Variants in SLC17A1 observed in about 807,000 individuals in gnomAD.
The protein encoded by SLC17A1 is solute carrier family 17 member 1, also known as sodium-dependent phosphate transport protein 1.
In SLC17A1, 51 loss-of-function variants were observed where a neutral mutation model predicts 53.5. The ratio of observed to expected loss-of-function variants is 0.95; its 90% confidence interval spans 0.76 to 1.20. The LOEUF (loss-of-function observed/expected upper bound fraction) is 1.20. Among genes scored for constraint, SLC17A1 ranks in the 50% most tolerant of loss-of-function variants. SLC17A1 has a pLI of 0.00. For synonymous variants in SLC17A1, 179 were observed against 198.8 expected, an observed-to-expected ratio of 0.90 and a Z score of 0.84; for missense variants, 538 against 568.2, an observed-to-expected ratio of 0.95 and a Z score of 0.54.
the SLC17A1 span, chr6:25,770,927 G>A: frequency 6.2e-7 from 1 of 1,613,344 alleles, no homozygotes; most frequent in Non-Finnish European, 8.5e-7. Context: ...TCTGTTCAGG[G>A]TCAATGCTGG....
rs759934215 is a variant in SLC17A1, at chr6:25,811,395, T to C, written c.1178+3A>G. 2.1e-5 allele frequency: 34 copies of C among 1,608,252 alleles called. No individual in the cohort carries two copies. The highest frequency in any genetic ancestry group is 4.5e-5 in the East Asian group (2 of 44,776). On this transcript the variant is annotated splice_donor_region_variant and intron_variant, in intron 10 of 12. Coordinates refer to ENST00000244527, the MANE Select transcript of SLC17A1 (RefSeq NM_005074.5). ...TAAAAAAAAGCGTATAAACAAATCC[T>C]ACCTGGGAGCAATATCCAAGCCATT...
At chr6:25,777,683 A>T in the SLC17A1 span, 1 of 392,134 alleles carries the variant, frequency 2.6e-6, no homozygotes, top group Non-Finnish European at 4.6e-6. Context: ...AATAGAGGTT[A>T]CCCCCTTGGG....
chr6:25,751,836 G>A, the SLC17A1 span, among the ~76,000 whole-genome samples: 3 of 149,024 alleles, frequency 2.0e-5, no homozygotes, highest in East Asian at 1.9e-4. Flanking sequence ...CCACTGTTAC[G>A]GCAGAAGGAA....
chr6:25,773,734 A>C, the SLC17A1 span: 61 of 1,554,678 alleles, frequency 3.9e-5, no homozygotes, highest in Non-Finnish European at 5.0e-5. Flanking sequence ...ATGAGAGCTC[A>C]TATATAATCC....
chr6:25,780,331 T>C (rs927851539), downstream of SLC17A1: 2 of 152,114 alleles, frequency 1.3e-5, no homozygotes, highest in Non-Finnish European at 2.9e-5. Context: ...TAATAACAAC[T>C]GTAGAAATAA....
chr6:25,796,397 C>G (rs901803439), intron 12 of SLC17A1, among the ~76,000 whole-genome samples: 4 of 151,942 alleles, frequency 2.6e-5, no homozygotes, highest in African/African-American at 9.7e-5. Flanking sequence ...ACTTGCAATA[C>G]TAGATCGATT....
At chr6:25,744,726 C>T in the SLC17A1 span, among the ~76,000 whole-genome samples, 1 of 152,092 alleles carries the variant, frequency 6.6e-6, no homozygotes, top group Non-Finnish European at 1.5e-5. Context: ...TGGAAATCAG[C>T]CTGGTGGACA....
At chr6:25,773,666 C>T in the SLC17A1 span, 7 of 1,613,172 alleles carry the variant, frequency 4.3e-6, no homozygotes, top group Non-Finnish European at 5.9e-6. Flanking sequence ...TCAAGCCAAC[C>T]TCAGAGATGT....
chr6:25,796,224 T>G (rs918253921), intron 12 of SLC17A1, among the ~76,000 whole-genome samples: 4 of 152,200 alleles, frequency 2.6e-5, no homozygotes, highest in African/African-American at 9.6e-5. Flanking sequence ...TTTAAACTGC[T>G]GGTTATATTC....
At position 25,812,872 on chromosome 6, in the gene SLC17A1, G is replaced by A. The variant is rs1306733361; in HGVS notation, c.856C>T (p.Pro286Ser). The change falls in exon 8 of 13, where the codon CCA becomes TCA. Residue 286 changes from proline to serine, a missense_variant. Pro to Ser is a moderately conservative substitution (Grantham distance 74, BLOSUM62 -1). Transcript: ENST00000244527. ...TGAAGCATGGAGTTGATAAACATTG[G>A]AGTGTATAGTGTCATGATGTTATGT... is the stretch of plus-strand genomic sequence containing the variant. ...WSHNIMTLYT[P>S]MFINSMLHVN... The A allele has an allele frequency of 1.2e-6, 2 of 1,612,560 alleles. No individual in the cohort carries two copies. The highest frequency in any genetic ancestry group is 8.5e-7 in the Non-Finnish European group (1 of 1,178,756).
the SLC17A1 span, chr6:25,732,690 C>T: frequency 7.4e-7 from 1 of 1,353,526 alleles, no homozygotes; most frequent in Non-Finnish European, 1.0e-6. Flanking sequence ...CTGCAGCTGG[C>T]CATCCGCAAC....
chr6:25,759,938 T>C, the SLC17A1 span, among the ~76,000 whole-genome samples: 1 of 152,212 alleles, frequency 6.6e-6, no homozygotes, highest in Non-Finnish European at 1.5e-5. Flanking sequence ...GCTCCTGACT[T>C]TTTGCTTTTA....
At chr6:25,753,047 A>T in the SLC17A1 span, among the ~76,000 whole-genome samples, 2 of 152,244 alleles carry the variant, frequency 1.3e-5, no homozygotes, top group African/African-American at 4.8e-5. Flanking sequence ...AAAAATTAAA[A>T]AAGATTTATT....
chr6:25,736,974 C>T, the SLC17A1 span, among the ~76,000 whole-genome samples: 1 of 152,166 alleles, frequency 6.6e-6, no homozygotes, highest in Non-Finnish European at 1.5e-5. Flanking sequence ...AACCAACCTC[C>T]AAACCGCCCT....
the SLC17A1 span, chr6:25,726,978 C>G: frequency 6.2e-7 from 1 of 1,613,978 alleles, no homozygotes; most frequent in Non-Finnish European, 8.5e-7. Context: ...CGTTAAGACC[C>G]AGAAAAAGGA....
the SLC17A1 span, among the ~76,000 whole-genome samples, chr6:25,724,083 A>G: frequency 6.6e-6 from 1 of 152,246 alleles, no homozygotes; most frequent in Non-Finnish European, 1.5e-5. Flanking sequence ...CAGTAATAAA[A>G]AAGAATACCT....
the SLC17A1 span, chr6:25,726,783 T>G: frequency 1.6e-6 from 2 of 1,269,902 alleles, no homozygotes; most frequent in African/African-American, 1.5e-5. Context: ...TTCTGTTTGT[T>G]TACTTGGCGA....
At chr6:25,726,853 A>G in the SLC17A1 span, 65 of 1,550,308 alleles carry the variant, frequency 4.2e-5, no homozygotes, top group South Asian at 6.8e-4. Flanking sequence ...AGCACTGGAA[A>G]GTGCTGTGTA....
At chr6:25,778,098 C>T, downstream of SLC17A1, 1 of 965,962 alleles carries the variant, frequency 1.0e-6, no homozygotes, top group Non-Finnish European at 1.6e-6. Context: ...GCCTTGTATC[C>T]TAGAAGATGC....
Sources: gnomAD v4.1 joint callset for allele counts (sites outside exome capture counted in the v4.1 genomes callset) on GRCh38, gnomAD v4.1.1 for gene constraint, MANE v1.5 for transcripts, NCBI Gene and HGNC (gene_info 2026-07-23, HGNC 2026-07-21) for gene names.